The following KCNJ3 variants were observed in gnomAD, a reference collection of about 807,000 sequenced individuals.
KCNJ3 encodes the protein G protein-activated inward rectifier potassium channel 1.
A neutral mutation model predicts 39.2 loss-of-function variants in KCNJ3; 4 were observed. The ratio of observed to expected loss-of-function variants is 0.10; its 90% CI spans 0.05 to 0.23. KCNJ3 has a LOEUF of 0.23. Ranked by LOEUF, KCNJ3 falls within the 10% of genes least tolerant of loss-of-function variation. KCNJ3 has a pLI of 1.00. For missense variants in KCNJ3, 276 were observed against 634.9 expected (o/e 0.43, Z 6.08); for synonymous variants, 230 against 237.4 (o/e 0.97, Z 0.29).
At chr2:154,815,268 G>T (rs971423948) in intron 2 of KCNJ3, among the ~76,000 whole-genome samples, 1 of 151,776 alleles carries the variant, frequency 6.6e-6, no homozygotes, top group Non-Finnish European at 1.5e-5. Context: ...ATCCTAAAAA[G>T]GTAAACATAC....
chr2:154,815,164 C>A (rs998400109), intron 2 of KCNJ3, among the ~76,000 whole-genome samples: 1 of 152,158 alleles, frequency 6.6e-6, no homozygotes, highest in African/African-American at 2.4e-5. Context: ...AAAGCCATAT[C>A]TCTATAGAAA....
At chr2:154,705,230 C>A (rs1684982152) in intron 1 of KCNJ3, among the ~76,000 whole-genome samples, 1 of 152,066 alleles carries the variant, frequency 6.6e-6, no homozygotes, top group Non-Finnish European at 1.5e-5. Flanking sequence ...ATAAATATGT[C>A]CTTGACAAAT....
At chr2:154,803,466 ATATAT>A (rs1484611031) in intron 2 of KCNJ3, among the ~76,000 whole-genome samples, 3 of 151,700 alleles carry the variant, frequency 2.0e-5, no homozygotes, top group African/African-American at 4.8e-5. Flanking sequence ...TAATGATTCA[ATATAT>A]TATATTAATT....
intron 2 of KCNJ3, among the ~76,000 whole-genome samples, chr2:154,770,261 C>A (rs1200589479): frequency 1.3e-5 from 2 of 152,102 alleles, no homozygotes; most frequent in Non-Finnish European, 2.9e-5. Context: ...CTTTGAAATC[C>A]CAGATATTGT....
chr2:154,779,966 A>T (rs1300666369), intron 2 of KCNJ3, among the ~76,000 whole-genome samples: 1 of 152,170 alleles, frequency 6.6e-6, no homozygotes, highest in Non-Finnish European at 1.5e-5. Context: ...AGAGGAAAAA[A>T]CAGGTTGTGT....
At chr2:154,817,146 CTA>C (rs1294159405) in intron 2 of KCNJ3, among the ~76,000 whole-genome samples, 1 of 152,030 alleles carries the variant, frequency 6.6e-6, no homozygotes, top group African/African-American at 2.4e-5. Flanking sequence ...TAATAAGAAC[CTA>C]TGTTTGGTTT....
At chr2:154,778,820 A>G (rs1204945858) in intron 2 of KCNJ3, among the ~76,000 whole-genome samples, 2 of 151,838 alleles carry the variant, frequency 1.3e-5, no homozygotes, top group African/African-American at 2.4e-5. Context: ...TTACTGAAAT[A>G]TTTTTTCCCT....
intron 2 of KCNJ3, among the ~76,000 whole-genome samples, chr2:154,779,362 C>A (rs552306740): frequency 6.6e-6 from 1 of 150,808 alleles, no homozygotes; most frequent in South Asian, 2.1e-4. Flanking sequence ...AACATGAGAG[C>A]TCCTCCTAGC....
intron 2 of KCNJ3, among the ~76,000 whole-genome samples, chr2:154,840,073 T>TAACA (rs1273875462): frequency 6.6e-6 from 1 of 152,238 alleles, no homozygotes; most frequent in Non-Finnish European, 1.5e-5. Context: ...GTTTTAGGTC[T>TAACA]AACATTTAAG....
intron 2 of KCNJ3, among the ~76,000 whole-genome samples, chr2:154,710,635 A>G (rs1275204966): frequency 1.3e-5 from 2 of 151,892 alleles, no homozygotes; most frequent in Non-Finnish European, 2.9e-5. Flanking sequence ...GTGTGTGTGT[A>G]TGTGTATGTG....
chr2:154,853,619 G>C (rs557598694), intron 2 of KCNJ3, among the ~76,000 whole-genome samples: 1 of 152,066 alleles, frequency 6.6e-6, no homozygotes, highest in Non-Finnish European at 1.5e-5. Flanking sequence ...TATTAAAGTA[G>C]AGAAATTGGT....
chr2:154,853,142 T>TGG (rs1396947334), intron 2 of KCNJ3, among the ~76,000 whole-genome samples: 2 of 141,448 alleles, frequency 1.4e-5, no homozygotes, highest in Non-Finnish European at 3.1e-5. Flanking sequence ...AGGATTAGAA[T>TGG]GGAAAAAAAA....
chr2:154,757,191 A>C (rs899178204), intron 2 of KCNJ3, among the ~76,000 whole-genome samples: 2 of 152,190 alleles, frequency 1.3e-5, no homozygotes, highest in South Asian at 4.1e-4. Flanking sequence ...TGAATTCAAC[A>C]GAATGCCCTT....
intron 2 of KCNJ3, among the ~76,000 whole-genome samples, chr2:154,747,511 C>T (rs1479422316): frequency 6.6e-6 from 1 of 152,000 alleles, no homozygotes; most frequent in Admixed American, 6.6e-5. Context: ...TGATACTAAT[C>T]TGTATTCTCT....
intron 2 of KCNJ3, among the ~76,000 whole-genome samples, chr2:154,848,337 G>A (rs1456416469): frequency 6.6e-6 from 1 of 151,986 alleles, no homozygotes; most frequent in Non-Finnish European, 1.5e-5. Flanking sequence ...CTTATTTACA[G>A]TTTTGCTGTG....
rs752403034 is a variant in KCNJ3 at position 154,709,671 on chromosome 2, A to G, written c.771A>G (p.Thr257=). The change falls in exon 2 of 3, where the codon ACA becomes ACG. Residue 257 remains threonine, a synonymous_variant. Coordinates refer to ENST00000295101, the MANE Select transcript of KCNJ3 (RefSeq NM_002239.4). ...TTGAACTGGATGTAGGTTTTAGTAC[A>G]GGGGCAGATCAACTTTTTCTTGTGT... ...DQLELDVGFS[T]GADQLFLVSP... The G allele has an allele frequency of 1.9e-6, 3 of 1,613,950 alleles. No individual in the cohort carries two copies. The highest frequency in any genetic ancestry group is 2.5e-6 in the Non-Finnish European group (3 of 1,179,900).
intron 2 of KCNJ3, among the ~76,000 whole-genome samples, chr2:154,760,721 T>G (rs1327133792): frequency 2.1e-5 from 3 of 145,114 alleles, no homozygotes; most frequent in African/African-American, 8.1e-5. Flanking sequence ...CCTGGCTATT[T>G]TTTTCTTTTT....
intron 2 of KCNJ3, among the ~76,000 whole-genome samples, chr2:154,837,253 TCTTA>T (rs1218150464): frequency 2.5e-5 from 3 of 119,588 alleles, no homozygotes; most frequent in African/African-American, 8.1e-5. Context: ...AGCAAATGTA[TCTTA>T]CTTTTTTGTG....
intron 2 of KCNJ3, among the ~76,000 whole-genome samples, chr2:154,821,635 ATTTTTTTTTTTT>A (rs71422263): frequency 4.5e-5 from 4 of 88,080 alleles, no homozygotes; most frequent in Non-Finnish European, 8.3e-5. Flanking sequence ...AGAATATGTG[ATTTTTTTTTTTT>A]TTTTTTTTTT....
Sources: allele counts gnomAD v4.1 joint callset (sites outside exome capture counted in the v4.1 genomes callset), GRCh38; gene constraint gnomAD v4.1.1; transcripts MANE v1.5; gene names NCBI Gene and HGNC (gene_info 2026-07-23, HGNC 2026-07-21).